The following OARD1 variants were observed in gnomAD, a reference collection of about 807,000 sequenced individuals.
OARD1 encodes the protein O-acyl-ADP-ribose deacylase 1, also known as ADP-ribose glycohydrolase OARD1.
A neutral mutation model predicts 19.7 loss-of-function variants in OARD1; 19 were observed. The observed-to-expected ratio is 0.96, with a 90% CI of 0.67 to 1.41. OARD1 has a LOEUF of 1.41. Ranked by LOEUF, OARD1 falls within the 40% of genes most tolerant of loss-of-function variation. The pLI is 0.00. For synonymous variants in OARD1, 70 were observed against 61.8 expected, an observed-to-expected ratio of 1.13 and a Z score of -0.62; for missense variants, 190 against 183.8, an observed-to-expected ratio of 1.03 and a Z score of -0.20.
At chr6:41,081,737 T>C (rs1361509504) in intron 1 of OARD1, among the ~76,000 whole-genome samples, 1 of 152,222 alleles carries the variant, frequency 6.6e-6, no homozygotes, top group Non-Finnish European at 1.5e-5. Context: ...TTGTTTCCAC[T>C]ACCTTTCCTG....
At chr6:41,070,995 G>C in intron 3 of OARD1, 137 bp downstream of exon 3, 1 of 861,382 alleles carries the variant, frequency 1.2e-6, no homozygotes, top group Non-Finnish European at 1.9e-6. Context: ...TAAACTAGAG[G>C]CCATTCTTGG....
chr6:41,069,877 T>G, intron 4 of OARD1, 199 bp downstream of exon 4: 1 of 640,180 alleles, frequency 1.6e-6, no homozygotes, highest in Non-Finnish European at 2.8e-6. Flanking sequence ...CAGCCTCACA[T>G]TTCTTTCTAA....
upstream of OARD1, chr6:41,072,837 AG>A (rs1561846747): frequency 2.0e-5 from 3 of 152,964 alleles, no homozygotes; most frequent in African/African-American, 7.2e-5. Context: ...GCGTGGCTTC[AG>A]GGAACGCCTG....
At chr6:41,093,022 T>C (rs1582035999) in intron 1 of OARD1, 1 of 1,613,990 alleles carries the variant, frequency 6.2e-7, no homozygotes, top group African/African-American at 1.3e-5. Flanking sequence ...ACCACCGTAT[T>C]CTTAAGAGGA....
chr6:41,084,573 A>T (rs1207648520), intron 1 of OARD1, among the ~76,000 whole-genome samples: 44 of 152,396 alleles, frequency 2.9e-4, no homozygotes, highest in Non-Finnish European at 4.4e-4. Context: ...AAGGATAAAT[A>T]AAATCTAGAT....
At chr6:41,097,663 G>A (rs1237909584) in intron 1 of OARD1, 10 of 420,406 alleles carry the variant, frequency 2.4e-5, no homozygotes, top group African/African-American at 1.0e-4. Context: ...TCATGGATTC[G>A]GATGATGCAA....
At chr6:41,079,597 C>T (rs1027506307) in intron 1 of OARD1, among the ~76,000 whole-genome samples, 1 of 152,150 alleles carries the variant, frequency 6.6e-6, no homozygotes, top group Non-Finnish European at 1.5e-5. Flanking sequence ...TCTGGTTTAA[C>T]ATTAGGATAA....
At chr6:41,096,925 TA>T (rs1764374048) in intron 1 of OARD1, among the ~76,000 whole-genome samples, 2 of 152,236 alleles carry the variant, frequency 1.3e-5, no homozygotes, top group South Asian at 4.1e-4. Flanking sequence ...TTAAAGTGTA[TA>T]GATTCTAATG....
intron 1 of OARD1, among the ~76,000 whole-genome samples, chr6:41,096,728 C>T (rs184909364): frequency 3.7e-4 from 57 of 152,272 alleles, no homozygotes; most frequent in Middle Eastern, 3.4e-3. Context: ...AAGGATTTAT[C>T]CTTGTGTTAA....
At chr6:41,077,922 GTTGA>G (rs1279802370) in intron 1 of OARD1, among the ~76,000 whole-genome samples, 3 of 152,070 alleles carry the variant, frequency 2.0e-5, no homozygotes, top group African/African-American at 7.2e-5. Flanking sequence ...GAGTAATGGG[GTTGA>G]TTAATTTTTA....
Position 41,071,129 on chromosome 6 carries a change from C to CA in OARD1, c.184+2dup. Reference sequence around the variant, plus strand: ...AACCAGGTAAGTGGTTTCCAAAACTCACGTTGATTTAAAAGTTCTTGCACC... The same window carrying CA: ...AACCAGGTAAGTGGTTTCCAAAACTCAACGTTGATTTAAAAGTTCTTGCACC... On this transcript the variant is annotated splice_region_variant and intron_variant, in intron 3 of 5. Transcript: ENST00000424266. 1 of 1,614,194 alleles carries CA rather than the reference C, an allele frequency of 6.2e-7. No individual in the cohort carries two copies. The highest frequency in any genetic ancestry group is 8.5e-7 in the Non-Finnish European group (1 of 1,180,008).
upstream of OARD1, among the ~76,000 whole-genome samples, chr6:41,074,496 T>C (rs1234479635): frequency 6.6e-6 from 1 of 152,222 alleles, no homozygotes; most frequent in African/African-American, 2.4e-5. Context: ...CGTGAAAGGC[T>C]TATCACCACC....
At chr6:41,093,834 T>C (rs1764267770) in intron 1 of OARD1, among the ~76,000 whole-genome samples, 1 of 152,214 alleles carries the variant, frequency 6.6e-6, no homozygotes, top group African/African-American at 2.4e-5. Flanking sequence ...CGGAATTTAG[T>C]TACCTGATCA....
intron 5 of OARD1, 36 bp from the exon 6 acceptor site, chr6:41,067,473 A>C: frequency 8.5e-6 from 12 of 1,413,626 alleles, no homozygotes; most frequent in Non-Finnish European, 1.2e-5. Context: ...GATGGTAACG[A>C]AAGTATCTAG....
chr6:41,084,955 T>A (rs1764003438), intron 1 of OARD1, among the ~76,000 whole-genome samples: 1 of 152,004 alleles, frequency 6.6e-6, no homozygotes, highest in Admixed American at 6.6e-5. Flanking sequence ...AGCAAGATTC[T>A]GTCTCAAAAA....
At chr6:41,078,494 A>C (rs1363514394) in intron 1 of OARD1, among the ~76,000 whole-genome samples, 1 of 152,148 alleles carries the variant, frequency 6.6e-6, no homozygotes, top group Non-Finnish European at 1.5e-5. Flanking sequence ...TATCATTTTA[A>C]TTTTTTAATG....
At chr6:41,071,715 CT>C in intron 1 of OARD1, 40 bp from the exon 2 acceptor site, 1 of 1,168,014 alleles carries the variant, frequency 8.6e-7, no homozygotes, top group Non-Finnish European at 1.3e-6. Context: ...CTTAGGCAGC[CT>C]TAGTATATAA....
upstream of OARD1, among the ~76,000 whole-genome samples, chr6:41,076,035 A>G (rs1052557311): frequency 1.3e-5 from 2 of 152,224 alleles, no homozygotes; most frequent in African/African-American, 4.8e-5. Flanking sequence ...TCTTTCATCA[A>G]GCGTCTATCA....
chr6:41,089,356 C>T (rs1764136930), intron 1 of OARD1, among the ~76,000 whole-genome samples: 1 of 152,190 alleles, frequency 6.6e-6, no homozygotes, highest in Non-Finnish European at 1.5e-5. Context: ...TAAAAACCGA[C>T]ATTGATTTGT....
Sources: allele counts gnomAD v4.1 joint callset (sites outside exome capture counted in the v4.1 genomes callset), GRCh38; gene constraint gnomAD v4.1.1; transcripts MANE v1.5; gene names NCBI Gene and HGNC (gene_info 2026-07-23, HGNC 2026-07-21).